Variants in TUSC3 observed in about 807,000 individuals in gnomAD.
TUSC3 encodes the protein dolichyl-diphosphooligosaccharide--protein glycosyltransferase subunit TUSC3.
A neutral mutation model predicts 44.8 loss-of-function variants in TUSC3; 45 were observed. That is an observed-to-expected ratio of 1.00 (90% CI 0.79 to 1.29). The LOEUF (loss-of-function observed/expected upper bound fraction) is 1.29. Among genes scored for constraint, TUSC3 ranks in the 50% most tolerant of loss-of-function variants. The pLI is 0.00. For missense variants in TUSC3, 519 were observed against 437.9 expected (o/e 1.19, Z -1.65); for synonymous variants, 212 against 152.9 (o/e 1.39, Z -2.85).
intron 7 of TUSC3, among the ~76,000 whole-genome samples, chr8:15,737,912 T>C (rs985177378): frequency 6.6e-6 from 1 of 152,168 alleles, no homozygotes; most frequent in African/African-American, 2.4e-5. Context: ...GTAAGTATTA[T>C]TCAGTCTCTT....
At chr8:15,510,569 T>A (rs1037644046) in intron 2 of TUSC3, among the ~76,000 whole-genome samples, 20 of 152,144 alleles carry the variant, frequency 1.3e-4, no homozygotes, top group African/African-American at 3.6e-4. Context: ...CTATATATAT[T>A]TTTTTAAATA....
intron 1 of TUSC3, among the ~76,000 whole-genome samples, chr8:15,613,827 C>G (rs1214282410): frequency 4.6e-5 from 7 of 152,242 alleles, no homozygotes; most frequent in African/African-American, 1.4e-4. Context: ...ACCCAACTTT[C>G]ATTCTTCACT....
chr8:15,528,045 T>G (rs1270503762), intron 2 of TUSC3, among the ~76,000 whole-genome samples: 1 of 152,212 alleles, frequency 6.6e-6, no homozygotes, highest in Non-Finnish European at 1.5e-5. Context: ...TATAAAGAAT[T>G]TAGTCCCTGA....
intron 6 of TUSC3, among the ~76,000 whole-genome samples, chr8:15,728,377 C>A (rs1053146039): frequency 1.6e-4 from 22 of 136,898 alleles, no homozygotes; most frequent in African/African-American, 5.7e-4. Flanking sequence ...TTCCTGGTAG[C>A]GGTGAAAAGT....
intron 6 of TUSC3, among the ~76,000 whole-genome samples, chr8:15,724,644 T>G (rs1810428457): frequency 6.6e-6 from 1 of 152,188 alleles, no homozygotes; most frequent in Non-Finnish European, 1.5e-5. Context: ...AGTTGAGAGA[T>G]TATCACTTAA....
At chr8:15,586,497 T>G (rs1210910133) in intron 1 of TUSC3, among the ~76,000 whole-genome samples, 1 of 152,108 alleles carries the variant, frequency 6.6e-6, no homozygotes, top group Admixed American at 6.6e-5. Flanking sequence ...GATCAAGGTC[T>G]GGGAATAATT....
At chr8:15,435,793 A>T (rs1382237358) in intron 1 of TUSC3, among the ~76,000 whole-genome samples, 1 of 152,228 alleles carries the variant, frequency 6.6e-6, no homozygotes, top group Non-Finnish European at 1.5e-5. Flanking sequence ...ATAGCGTTGC[A>T]ATTTCCATAT....
At chr8:15,569,561 TAAATAATTTATGATTCA>T (rs1172350043) in intron 1 of TUSC3, among the ~76,000 whole-genome samples, 1 of 152,050 alleles carries the variant, frequency 6.6e-6, no homozygotes, top group Admixed American at 6.6e-5. Context: ...GGAGCGTGAG[TAAATAATTTATGATTCA>T]AACCAGGACA....
intron 1 of TUSC3, among the ~76,000 whole-genome samples, chr8:15,472,597 G>A (rs1800508797): frequency 6.6e-6 from 1 of 152,078 alleles, no homozygotes; most frequent in African/African-American, 2.4e-5. Flanking sequence ...ACATCAAAGT[G>A]GGTAAGTTTT....
chr8:15,499,067 C>A (rs551409203), intron 2 of TUSC3, among the ~76,000 whole-genome samples: 1 of 151,996 alleles, frequency 6.6e-6, no homozygotes, highest in Non-Finnish European at 1.5e-5. Flanking sequence ...CTCCAACTTG[C>A]CCCAACTCTT....
intron 6 of TUSC3, chr8:15,688,967 C>A: frequency 4.3e-6 from 1 of 231,162 alleles, no homozygotes. Context: ...ATACAGGAGA[C>A]CTCTTTGCCC....
intron 6 of TUSC3, among the ~76,000 whole-genome samples, chr8:15,703,080 GAT>G (rs1355981858): frequency 6.6e-6 from 1 of 152,108 alleles, no homozygotes; most frequent in Non-Finnish European, 1.5e-5. Context: ...AAACTGCTGA[GAT>G]TCTTTCATGT....
chr8:15,737,312 C>A (rs573065353), intron 7 of TUSC3, among the ~76,000 whole-genome samples: 1 of 152,182 alleles, frequency 6.6e-6, no homozygotes, highest in African/African-American at 2.4e-5. Context: ...CATCTTGATT[C>A]CATTCCTAGT....
chr8:15,474,181 A>T (rs1045783877), intron 1 of TUSC3, among the ~76,000 whole-genome samples: 6 of 152,152 alleles, frequency 3.9e-5, no homozygotes, highest in Non-Finnish European at 5.9e-5. Flanking sequence ...CCGACCTCAC[A>T]GGCAGTCAGA....
intron 2 of TUSC3, among the ~76,000 whole-genome samples, chr8:15,489,426 A>C (rs993743038): frequency 6.6e-6 from 1 of 152,220 alleles, no homozygotes; most frequent in Non-Finnish European, 1.5e-5. Context: ...GCTGTTTTCT[A>C]TTCAGACCTT....
At chr8:15,486,741 C>A (rs1800737479) in intron 2 of TUSC3, among the ~76,000 whole-genome samples, 2 of 152,122 alleles carry the variant, frequency 1.3e-5, no homozygotes, top group Admixed American at 1.3e-4. Context: ...CCGCGCCTGG[C>A]CTCCTCTCCC....
chr8:15,828,018 G>A, the TUSC3 span, among the ~76,000 whole-genome samples: 6 of 138,948 alleles, frequency 4.3e-5, no homozygotes, highest in Middle Eastern at 7.8e-3. Flanking sequence ...TTTTGACACG[G>A]AGTTTCACAC....
chr8:15,651,597 T>G (rs1044289877), intron 3 of TUSC3, among the ~76,000 whole-genome samples: 29 of 152,136 alleles, frequency 1.9e-4, no homozygotes, highest in Admixed American at 5.2e-4. Context: ...AAAAGGGGCA[T>G]GTTAGAACAC....
At chr8:15,537,684 A>G (rs1169473401), upstream of TUSC3, among the ~76,000 whole-genome samples, 1 of 152,190 alleles carries the variant, frequency 6.6e-6, no homozygotes, top group East Asian at 1.9e-4. Context: ...ATATAAAGGC[A>G]GCATGTTTGG....
Sources: allele counts gnomAD v4.1 joint callset (sites outside exome capture counted in the v4.1 genomes callset), GRCh38; gene constraint gnomAD v4.1.1; transcripts MANE v1.5; gene names NCBI Gene and HGNC (gene_info 2026-07-23, HGNC 2026-07-21).